NCAM2: variants seen among roughly 807,000 people sequenced by gnomAD.
NCAM2 encodes the protein neural cell adhesion molecule 2.
In NCAM2, 30 loss-of-function variants were observed where a neutral mutation model predicts 98.1. That is an observed-to-expected ratio of 0.31 (90% CI 0.23 to 0.41). NCAM2 has a LOEUF of 0.41. NCAM2 is among the 10% of genes least tolerant of loss of function. The probability of loss-of-function intolerance (pLI) is 1.00; values close to 1 mark genes in which losing one functional copy is unlikely to be tolerated. For synonymous variants in NCAM2, 368 were observed against 342.4 expected, an observed-to-expected ratio of 1.07 and a Z score of -0.83; for missense variants, 867 against 1,005.8, an observed-to-expected ratio of 0.86 and a Z score of 1.87.
At chr21:21,385,561 A>C (rs1417883120) in intron 9 of NCAM2, 1 of 1,037,392 alleles carries the variant, frequency 9.6e-7, no homozygotes, top group East Asian at 5.9e-5. Context: ...AAGGTGTTAG[A>C]AAATTAAGCC....
chr21:21,088,783 G>A (rs987222735), intron 1 of NCAM2, among the ~76,000 whole-genome samples: 2 of 152,008 alleles, frequency 1.3e-5, no homozygotes, highest in African/African-American at 4.8e-5. Flanking sequence ...ACGAGGTCAG[G>A]AGATCGAGAC....
intron 8 of NCAM2, among the ~76,000 whole-genome samples, chr21:21,365,694 A>C (rs1258458836): frequency 9.2e-5 from 14 of 152,028 alleles, no homozygotes; most frequent in Admixed American, 7.9e-4. Flanking sequence ...AGAAAAGCAC[A>C]AGCACAACAA....
At chr21:21,468,991 G>GTTTACTA in intron 14 of NCAM2, among the ~76,000 whole-genome samples, 1 of 151,654 alleles carries the variant, frequency 6.6e-6, no homozygotes, top group Non-Finnish European at 1.5e-5. Context: ...GTATTCTCAT[G>GTTTACTA]GTTTTCATCT....
chr21:21,314,810 G>A (rs577041797), intron 5 of NCAM2, among the ~76,000 whole-genome samples: 1 of 151,610 alleles, frequency 6.6e-6, no homozygotes, highest in Admixed American at 6.6e-5. Flanking sequence ...ATTTATTTGG[G>A]GTTTTAAAAA....
At chr21:21,222,044 C>T (rs1415454864) in intron 1 of NCAM2, among the ~76,000 whole-genome samples, 1 of 152,144 alleles carries the variant, frequency 6.6e-6, no homozygotes, top group Non-Finnish European at 1.5e-5. Flanking sequence ...TAAATCTCCT[C>T]TGCCTGTGCA....
chr21:21,048,562 C>T (rs2065043637), intron 1 of NCAM2, among the ~76,000 whole-genome samples: 1 of 152,152 alleles, frequency 6.6e-6, no homozygotes, highest in Admixed American at 6.5e-5. Flanking sequence ...ACTGTGTTAG[C>T]CAGGTTGGCA....
intron 1 of NCAM2, among the ~76,000 whole-genome samples, chr21:21,065,254 T>C (rs2065411848): frequency 6.6e-6 from 1 of 152,060 alleles, no homozygotes; most frequent in Admixed American, 6.6e-5. Flanking sequence ...GAGAAAATTA[T>C]AGAAGTCATA....
intron 1 of NCAM2, among the ~76,000 whole-genome samples, chr21:21,010,553 C>T (rs1333581980): frequency 1.3e-5 from 2 of 151,964 alleles, no homozygotes; most frequent in Non-Finnish European, 2.9e-5. Flanking sequence ...ATTAATACAG[C>T]GATTGTTTGA....
chr21:21,410,632 G>C (rs558638177), intron 10 of NCAM2, among the ~76,000 whole-genome samples, 171 bp downstream of exon 10: 2 of 151,916 alleles, frequency 1.3e-5, no homozygotes, highest in African/African-American at 4.8e-5. Context: ...TTAATGATGA[G>C]TGTATGAATG....
At chr21:21,126,455 T>C (rs9975924) in intron 1 of NCAM2, among the ~76,000 whole-genome samples, 124,046 of 151,628 alleles carry the variant, frequency 0.82, 51,638 homozygotes, top group East Asian at 0.92. Context: ...TTCTAACTTT[T>C]GATGTATTTG....
At chr21:21,355,446 T>G (rs1602084713) in intron 8 of NCAM2, among the ~76,000 whole-genome samples, 1 of 106,830 alleles carries the variant, frequency 9.4e-6, no homozygotes, top group African/African-American at 3.8e-5. Context: ...TGAGTGACAG[T>G]GACAGACTGA....
chr21:21,508,867 T>A lies in NCAM2; in HGVS notation c.2094T>A (p.Gly698=). 1 of 1,405,852 alleles carries A rather than the reference T, an allele frequency of 7.1e-7. No individual in the cohort carries two copies. Among genetic ancestry groups the A allele is most frequent in the Admixed American group, 1.8e-5 (1 of 55,028 alleles). 87.1% of individuals were successfully genotyped at this position (1,405,852 alleles called of 1,614,324 possible). ...CTTTTTAAGACACGCTGTTTAATGG[T>A]CTTGGGCTTGGAGCAGTAATTGGCC... ...PNIIKDTLFN[G]LGLGAVIGLG... Residue 698 remains glycine, a synonymous_variant, in exon 16 of 18, where the codon GGT becomes GGA. Transcript: ENST00000400546.
chr21:21,510,042 G>C (rs986132545), intron 16 of NCAM2, among the ~76,000 whole-genome samples: 1 of 151,924 alleles, frequency 6.6e-6, no homozygotes, highest in African/African-American at 2.4e-5. Context: ...CAACTAGTTG[G>C]GTTCCACAAT....
intron 1 of NCAM2, among the ~76,000 whole-genome samples, chr21:21,004,741 T>C (rs567501269): frequency 6.6e-6 from 1 of 152,138 alleles, no homozygotes; most frequent in Non-Finnish European, 1.5e-5. Flanking sequence ...GGCTCTCTTA[T>C]CATAATCCTC....
intron 5 of NCAM2, among the ~76,000 whole-genome samples, chr21:21,302,278 G>C (rs2073739886): frequency 6.6e-6 from 1 of 152,034 alleles, no homozygotes; most frequent in Non-Finnish European, 1.5e-5. Context: ...AAACCATCTT[G>C]AGTTAATTTT....
At chr21:21,082,040 C>T (rs1469368002) in intron 1 of NCAM2, among the ~76,000 whole-genome samples, 1 of 151,036 alleles carries the variant, frequency 6.6e-6, no homozygotes, top group Non-Finnish European at 1.5e-5. Context: ...CCAGCCTGAC[C>T]AACAAGATGA....
intron 5 of NCAM2, among the ~76,000 whole-genome samples, chr21:21,296,388 A>G (rs929655360): frequency 1.3e-5 from 2 of 151,820 alleles, no homozygotes; most frequent in East Asian, 3.9e-4. Context: ...TGCAGACAGA[A>G]AGACCAACAC....
intron 1 of NCAM2, among the ~76,000 whole-genome samples, chr21:21,253,123 C>T (rs554921512): frequency 5.3e-5 from 8 of 152,268 alleles, no homozygotes; most frequent in African/African-American, 1.9e-4. Context: ...AACTCTCTGC[C>T]ATTATTACTG....
intron 12 of NCAM2, among the ~76,000 whole-genome samples, chr21:21,446,476 T>C (rs1033882045): frequency 6.6e-6 from 1 of 152,054 alleles, no homozygotes; most frequent in Non-Finnish European, 1.5e-5. Flanking sequence ...CAATCAATCA[T>C]AAGCCCAGTC....
Sources: gnomAD v4.1 joint callset for allele counts (sites outside exome capture counted in the v4.1 genomes callset) on GRCh38, gnomAD v4.1.1 for gene constraint, MANE v1.5 for transcripts, NCBI Gene and HGNC (gene_info 2026-07-23, HGNC 2026-07-21) for gene names.